Variants in COL16A1 observed in about 807,000 individuals in gnomAD.
COL16A1 encodes collagen alpha-1(XVI) chain.
A neutral mutation model predicts 266.3 loss-of-function variants in COL16A1; 189 were observed. The ratio of observed to expected loss-of-function variants is 0.71; its 90% CI spans 0.63 to 0.80. COL16A1 has a LOEUF of 0.80. Among genes scored for constraint, COL16A1 ranks in the 30% least tolerant of loss-of-function variants. COL16A1 has a pLI of 0.00. For missense variants in COL16A1, 1,928 were observed against 2,122.4 expected, an observed-to-expected ratio of 0.91 and a Z score of 1.80; for synonymous variants, 740 against 782.3, an observed-to-expected ratio of 0.95 and a Z score of 0.90.
intron 17 of COL16A1, 148 bp downstream of exon 17, chr1:31,691,857 C>A: frequency 7.3e-7 from 1 of 1,367,810 alleles, no homozygotes; most frequent in Non-Finnish European, 1.0e-6. Flanking sequence ...AGGTCCTTTT[C>A]TGTCCCCTTC....
chr1:31,684,906 A>G (rs1338640618), intron 29 of COL16A1, 50 bp from the exon 30 acceptor site: 3 of 1,611,090 alleles, frequency 1.9e-6, no homozygotes, highest in Non-Finnish European at 1.7e-6. Flanking sequence ...AGCCACCCCA[A>G]AGTGCCCGGC....
Position 31,691,650 on chromosome 1 carries a change from G to A in COL16A1, c.1258-8C>T, listed in dbSNP as rs542434146. 2 of 1,612,884 alleles carry A rather than the reference G, an allele frequency of 1.2e-6. No individual in the cohort carries two copies. The highest frequency in any genetic ancestry group is 2.2e-5 in the South Asian group (2 of 90,928). ...GATCTCTCCTGGCCGGCCCTGTGGG[G>A]GGATAAGGGGGAGGGTGTACAAACA... On this transcript the variant is annotated splice_polypyrimidine_tract_variant and splice_region_variant and intron_variant, in intron 17 of 70. Transcript: ENST00000373672.
rs1641994231 is a variant in COL16A1 at position 31,664,889 on chromosome 1, T to C, written c.3555+283A>G. 6.6e-6 allele frequency among the ~76,000 whole-genome samples: 1 copy of C among 151,864 alleles called. No individual in the cohort carries two copies. The highest frequency in any genetic ancestry group is 6.6e-5 in the Admixed American group (1 of 15,256). ...TCAGACCCCCTGCCTCCTCCCCACC[T>C]ACCTCCCTGCCTTTCCCCCCATCAC... is the stretch of plus-strand genomic sequence containing the variant. On this transcript the variant is annotated intron_variant, in intron 56 of 70. Transcript: ENST00000373672. The surrounding 1 kb of genome is among the most constrained non-coding windows in gnomAD (Gnocchi z 5.5).
chr1:31,702,199 T>C lies in COL16A1; in HGVS notation c.-6A>G, dbSNP rs201067603. On this transcript the variant is annotated 5_prime_UTR_variant, in exon 2 of 71. Transcript: ENST00000373672. ...GGAGCCCAGGATACCCACATCCCGG[T>C]CCAAAGAGGTCAGCTACAGCCACAG... 1 of 1,613,858 alleles carries C rather than the reference T, an allele frequency of 6.2e-7. No individual in the cohort carries two copies. Among genetic ancestry groups the C allele is most frequent in the East Asian group, 2.2e-5 (1 of 44,856 alleles).
chr1:31,695,709 C>G (rs1048169703), intron 10 of COL16A1, 52 bp downstream of exon 10: 1 of 1,594,436 alleles, frequency 6.3e-7, no homozygotes, highest in Non-Finnish European at 8.6e-7. Context: ...AAGCCTGGTG[C>G]AAAGGGTTCA....
At position 31,670,490 on chromosome 1, in the gene COL16A1, G is replaced by A. The variant is rs1182539821; in HGVS notation, c.3195+112C>T. On this transcript the variant is annotated intron_variant, in intron 49 of 70. Transcript: ENST00000373672. This position sits in a 1 kb window ranked among gnomAD's most constrained non-coding sequence, Gnocchi z 4.5. ...TCGTTAGCTACCGTGCCTGAAGGGG[G>A]ACAACAAACACGGAGGACGGAGGTG... 44 of 1,267,544 alleles carry A rather than the reference G, an allele frequency of 3.5e-5. No individual in the cohort carries two copies. The highest frequency in any genetic ancestry group is 4.5e-5 in the Non-Finnish European group (44 of 987,678). The allele number at this position is 1,267,544 out of a possible 1,614,324, so 78.5% of individuals were successfully genotyped here.
chr1:31,689,134 C>T, intron 23 of COL16A1, 49 bp from the exon 24 acceptor site: 1 of 1,612,058 alleles, frequency 6.2e-7, no homozygotes, highest in Non-Finnish European at 8.5e-7. Context: ...GATGGGGCAC[C>T]CCCAAACTCC....
rs973556893 is a variant in COL16A1, at chr1:31,670,427, G to A, written c.3195+175C>T. The A allele has an allele frequency of 2.9e-6, 2 of 694,894 alleles. No homozygotes were observed. The highest frequency in any genetic ancestry group is 4.3e-6 in the Non-Finnish European group (2 of 469,460). The allele number at this position is 694,894 out of a possible 1,614,324, so 43.0% of individuals were successfully genotyped here. A position where few individuals can be genotyped will look rare whatever the true frequency, so the allele number is the denominator to read the frequency against. ...AAAACGGAAAGGAGTCAGAGACTGGGAGGATGTCCAAGCTGCCGGGACCTC... is the reference window on the plus strand; with the variant it reads ...AAAACGGAAAGGAGTCAGAGACTGGAAGGATGTCCAAGCTGCCGGGACCTC... On this transcript the variant is annotated intron_variant, in intron 49 of 70. Transcript: ENST00000373672. The surrounding 1 kb of genome is among the most constrained non-coding windows in gnomAD (Gnocchi z 4.5).
intron 41 of COL16A1, 36 bp downstream of exon 41, chr1:31,679,768 G>A (rs745947463): frequency 8.8e-6 from 14 of 1,590,212 alleles, no homozygotes; most frequent in Middle Eastern, 2.0e-4. Flanking sequence ...GACAAGCCGC[G>A]GGGCGCTGGC....
chr1:31,683,356 G>T lies in COL16A1; in HGVS notation c.2393C>A (p.Ala798Asp), dbSNP rs1459366063. 1 of 1,614,108 alleles carries T rather than the reference G, an allele frequency of 6.2e-7. No homozygotes were observed. The highest frequency in any genetic ancestry group is 8.5e-7 in the Non-Finnish European group (1 of 1,180,034). ...GVQGPQGEPG[A>D]PGLPGIQGLP... ...TACCTGAATGCCAGGCAAACCCGGGGCTCCAGGCTCCCCCTGCAAGTCAGA... is the reference window on the plus strand; with the variant it reads ...TACCTGAATGCCAGGCAAACCCGGGTCTCCAGGCTCCCCCTGCAAGTCAGA... The change falls in exon 35 of 71, where the codon GCC becomes GAC. Residue 798 changes from alanine to aspartate, a missense_variant. This residue lies in a region of COL16A1 where 1,552 missense variants were observed against 1,637.2 expected (regional missense o/e 0.95). Transcript: ENST00000373672.
chr1:31,671,468 A>G lies in COL16A1; in HGVS notation c.3150+147T>C, dbSNP rs1642695289. On this transcript the variant is annotated intron_variant, in intron 48 of 70. Coordinates refer to ENST00000373672, the MANE Select transcript of COL16A1 (RefSeq NM_001856.4). ...TGGTGGGAGAGCACAGTCCCTGCAG[A>G]TGCTCTGCGGAGGGATGGGGAGGGC... The G allele has an allele frequency of 3.1e-6, 3 of 960,010 alleles. No individual in the cohort carries two copies. In the African/African-American group the frequency reaches 4.9e-5, roughly 16 times the overall value. 59.5% of individuals were successfully genotyped at this position (960,010 alleles called of 1,614,324 possible).
At chr1:31,694,199 C>T in intron 11 of COL16A1, 29 bp from the exon 12 acceptor site, 3 of 1,566,554 alleles carry the variant, frequency 1.9e-6, no homozygotes, top group Non-Finnish European at 2.6e-6. Context: ...GGGCATCACA[C>T]TTCCGGTAGA....
intron 3 of COL16A1, 35 bp downstream of exon 3, chr1:31,700,006 G>T (rs758428026): frequency 6.2e-7 from 1 of 1,611,028 alleles, no homozygotes; most frequent in East Asian, 2.2e-5. Flanking sequence ...GAGGAAGGTT[G>T]CAGGGACGGC....
rs776288178 is a variant in COL16A1, at chr1:31,675,043, CAA to C, written c.2827-6_2827-5del. The C allele has an allele frequency of 6.2e-7, 1 of 1,613,132 alleles. No individual in the cohort carries two copies. Among genetic ancestry groups the C allele is most frequent in the Non-Finnish European group, 8.5e-7 (1 of 1,179,608 alleles). On this transcript the variant is annotated splice_region_variant and splice_polypyrimidine_tract_variant and intron_variant, in intron 43 of 70. Transcript: ENST00000373672. The stretch of plus-strand genomic sequence containing the variant: ...GCTGTTCAATTGGTAAGGATCCCTG[CAA>C]GAGACAGATGTGTGGGCTCAAGCAG...
chr1:31,656,564 G>A lies in COL16A1; in HGVS notation c.4057-120C>T, dbSNP rs1473348826. ...GAGGCCCCCAGGTGTGTCCAGCCCA[G>A]CTCTGTGTGAGAAAGGAGCGCAGCC... is the stretch of plus-strand genomic sequence containing the variant. On this transcript the variant is annotated intron_variant, in intron 65 of 70. Transcript: ENST00000373672. This position sits in a 1 kb window ranked among gnomAD's most constrained non-coding sequence, Gnocchi z 4.2. 1.3e-5 allele frequency: 19 copies of A among 1,438,340 alleles called. No homozygotes were observed. In the East Asian group the frequency reaches 4.5e-4, roughly 34 times the overall value. The allele number at this position is 1,438,340 out of a possible 1,614,324, so 89.1% of individuals were successfully genotyped here. A position where few individuals can be genotyped will look rare whatever the true frequency, so the allele number is the denominator to read the frequency against.
rs1557676691 is a variant in COL16A1 at position 31,688,861 on chromosome 1, CG to C, written c.1766del (p.Pro589ArgfsTer9). 1 of 1,612,792 alleles carries C rather than the reference CG, an allele frequency of 6.2e-7. No homozygotes were observed. The highest frequency in any genetic ancestry group is 8.5e-7 in the Non-Finnish European group (1 of 1,179,344). ...GSPGFGLPGL[P>X]GRAGVPGLKG... is the part of the protein sequence containing the mutation. Reference sequence around the variant, plus strand: ...GGGCTGGGAGAAAGTCGTCACTCACCGGAAGGCCAGGCAGACCAAAGCCAGG... The same window carrying C: ...GGGCTGGGAGAAAGTCGTCACTCACCGAAGGCCAGGCAGACCAAAGCCAGG... On this transcript the variant is annotated frameshift_variant and splice_region_variant, in exon 25 of 71. Coordinates refer to ENST00000373672, the MANE Select transcript of COL16A1 (RefSeq NM_001856.4). LOFTEE classifies it high-confidence loss of function. The surrounding 1 kb of genome is among the most constrained non-coding windows in gnomAD (Gnocchi z 4.9).
chr1:31,668,780 G>T lies in COL16A1; in HGVS notation c.3249+22C>A. On this transcript the variant is annotated intron_variant, in intron 50 of 70. Transcript: ENST00000373672. The surrounding 1 kb of genome is among the most constrained non-coding windows in gnomAD (Gnocchi z 5.8). ...CTTCCTCCCTTTCCAGCCCTTTCCA[G>T]CCCCTGCCAGCTTCTTCTTACCGGC... The T allele has an allele frequency of 6.2e-7, 1 of 1,613,510 alleles. No individual in the cohort carries two copies. Among genetic ancestry groups the T allele is most frequent in the Non-Finnish European group, 8.5e-7 (1 of 1,179,756 alleles).
Position 31,689,750 on chromosome 1 carries a change from T to C in COL16A1, c.1611A>G (p.Val537=). Residue 537 remains valine (V), a synonymous_variant, in exon 23 of 71, where the codon GTA becomes GTG. Transcript: ENST00000373672. The part of the protein sequence containing the change: ...PGPKGEPGDP[V]PARGDPGIQG... ...CACCCTGGGCACTCACCCTGGCTGG[T>C]ACAGGATCACCAGGCTCCCCTTTGG... 1.2e-6 allele frequency: 2 copies of C among 1,613,936 alleles called. No homozygotes were observed. The highest frequency in any genetic ancestry group is 1.7e-6 in the Non-Finnish European group (2 of 1,179,886).
chr1:31,669,153 G>A (rs1046235557), intron 49 of COL16A1, among the ~76,000 whole-genome samples: 7 of 152,068 alleles, frequency 4.6e-5, no homozygotes, highest in African/African-American at 7.2e-5. Context: ...GGTGCCCGTC[G>A]CTGGTATGCC....
Sources: gnomAD v4.1 joint callset for allele counts (sites outside exome capture counted in the v4.1 genomes callset) on GRCh38, gnomAD v4.1.1 for gene constraint, gnomAD v4.1.1 regional missense constraint, Gnocchi (gnomAD v3.1) non-coding constraint, MANE v1.5 for transcripts, NCBI Gene and HGNC (gene_info 2026-07-23, HGNC 2026-07-21) for gene names.